SERPING1: variants seen among roughly 807,000 people sequenced by gnomAD.
The protein encoded by SERPING1 is plasma protease C1 inhibitor.
SERPING1 carries 5 observed loss-of-function variants against 34.1 expected under a neutral mutation model. The observed-to-expected ratio is 0.15, with a 90% CI of 0.08 to 0.31. The LOEUF (loss-of-function observed/expected upper bound fraction) is 0.31. Among genes scored for constraint, SERPING1 ranks in the 10% least tolerant of loss-of-function variants. The pLI, the probability that SERPING1 is intolerant of heterozygous loss-of-function variation, is 1.00. For missense variants in SERPING1, 505 were observed against 609.5 expected (o/e 0.83, Z 1.81); for synonymous variants, 225 against 242.4 (o/e 0.93, Z 0.67).
In SERPING1 at chr11:57,600,340, A is replaced by G; in HGVS notation, c.513A>G (p.Pro171=). Residue 171 remains proline, a synonymous_variant, in exon 3 of 8, where the codon CCA becomes CCG. Coordinates refer to ENST00000278407, the MANE Select transcript of SERPING1 (RefSeq NM_000062.3). ...TGGAGACCAACATGGCCTTTTCCCC[A>G]TTCAGCATCGCCAGCCTCCTTACCC... is the stretch of plus-strand genomic sequence containing the variant. ...KKVETNMAFS[P]FSIASLLTQV... 6.2e-7 allele frequency: 1 copy of G among 1,612,756 alleles called. No homozygotes were observed. Among genetic ancestry groups the G allele is most frequent in the African/African-American group, 1.3e-5 (1 of 74,954 alleles).
At chr11:57,597,842 G>A (rs1249344401) in intron 1 of SERPING1, 120 bp downstream of exon 1, 1 of 175,382 alleles carries the variant, frequency 5.7e-6, no homozygotes, top group Non-Finnish European at 1.2e-5. Flanking sequence ...GGTCTCTATA[G>A]GCTTGCTTCC....
intron 6 of SERPING1, 49 bp from the exon 7 acceptor site, chr11:57,611,668 G>A (rs757873307): frequency 1.3e-6 from 2 of 1,537,358 alleles, no homozygotes; most frequent in African/African-American, 1.4e-5. Context: ...GTGGGGCCAG[G>A]AGAGAGATGC....
Position 57,600,025 on chromosome 11 carries a change from G to A in SERPING1, c.198G>A (p.Pro66=), listed in dbSNP as rs774845024. 6.4e-5 allele frequency: 103 copies of A among 1,613,998 alleles called. No homozygotes were observed. Among genetic ancestry groups the A allele is most frequent in the South Asian group, 4.5e-4 (41 of 91,066 alleles). ...CCATCCTGGAGGTTTCCAGCTTGCCGACAACCAACTCAACAACCAATTCAG... is the reference window on the plus strand; with the variant it reads ...CCATCCTGGAGGTTTCCAGCTTGCCAACAACCAACTCAACAACCAATTCAG... The part of the protein sequence containing the change: ...VEPILEVSSL[P]TTNSTTNSAT... The change falls in exon 3 of 8, where the codon CCG becomes CCA. Residue 66 remains proline, a synonymous_variant. Transcript: ENST00000278407.
intron 2 of SERPING1, among the ~76,000 whole-genome samples, chr11:57,598,932 CGT>C (rs3054018): frequency 4.0e-5 from 6 of 150,806 alleles, no homozygotes; most frequent in East Asian, 2.0e-4. Flanking sequence ...TGTGTATGTG[CGT>C]GTGTGTGTGT....
Position 57,602,458 on chromosome 11 carries a change from T to G in SERPING1, c.685+289T>G, listed in dbSNP as rs546134546. Among the ~76,000 whole-genome samples the G allele has an allele frequency of 2.0e-5, 3 of 152,214 alleles. No homozygotes were observed. The East Asian group carries it at 5.8e-4, about 29-fold the overall frequency. ...GATGATGCTATCTACCTCAAAAGAT[T>G]AAGAAGCAGAAAGCCAGGCTGGGCG... is the stretch of plus-strand genomic sequence containing the variant. On this transcript the variant is annotated intron_variant, in intron 4 of 7. Transcript: ENST00000278407.
chr11:57,612,267 C>A (rs941324164), intron 7 of SERPING1, among the ~76,000 whole-genome samples: 3 of 152,102 alleles, frequency 2.0e-5, no homozygotes, highest in Admixed American at 6.6e-5. Context: ...GACAGGTAAC[C>A]GAGGTGAATT....
At chr11:57,602,230 G>A in intron 4 of SERPING1, 61 bp downstream of exon 4, 3 of 1,591,568 alleles carry the variant, frequency 1.9e-6, no homozygotes, top group Non-Finnish European at 2.6e-6. Flanking sequence ...TCTGAAGGGG[G>A]ACCCAGCGCT....
At chr11:57,611,554 C>A (rs922881580) in intron 6 of SERPING1, 163 bp from the exon 7 acceptor site, 7 of 725,232 alleles carry the variant, frequency 9.7e-6, no homozygotes, top group African/African-American at 1.7e-5. Flanking sequence ...GTTCACCCAG[C>A]TGGTATCCCC....
chr11:57,598,197 GC>G (rs1945309003), intron 1 of SERPING1, 51 bp from the exon 2 acceptor site: 1 of 1,443,610 alleles, frequency 6.9e-7, no homozygotes, highest in Non-Finnish European at 9.4e-7. Flanking sequence ...CGGGGTGGGG[GC>G]CCCTGGGCTC....
intron 6 of SERPING1, 95 bp downstream of exon 6, chr11:57,606,642 A>G: frequency 7.9e-7 from 1 of 1,268,128 alleles, no homozygotes; most frequent in Non-Finnish European, 1.1e-6. Context: ...GTACATGCTT[A>G]CAAATTCATC....
intron 6 of SERPING1, among the ~76,000 whole-genome samples, chr11:57,608,564 G>A (rs1945438780): frequency 6.6e-6 from 1 of 152,180 alleles, no homozygotes; most frequent in African/African-American, 2.4e-5. Context: ...CCAGGCCGGA[G>A]TGCAGTGGCA....
chr11:57,601,855 CAAAAA>C (rs5792050), intron 3 of SERPING1, among the ~76,000 whole-genome samples, 175 bp from the exon 4 acceptor site: 13 of 57,788 alleles, frequency 2.2e-4, no homozygotes, highest in African/African-American at 6.8e-4. Flanking sequence ...GACTCTGTCT[CAAAAA>C]AAAAAAAAAA....
intron 3 of SERPING1, among the ~76,000 whole-genome samples, chr11:57,600,986 G>A (rs1039741782): frequency 2.0e-5 from 3 of 151,638 alleles, no homozygotes; most frequent in Admixed American, 2.0e-4. Context: ...TAGACCTAGA[G>A]TAGATGTGGT....
At chr11:57,606,237 G>A (rs1433695818) in intron 5 of SERPING1, 24 bp downstream of exon 5, 1 of 1,613,682 alleles carries the variant, frequency 6.2e-7, no homozygotes, top group East Asian at 2.2e-5. Context: ...TAGCCAGTTA[G>A]TCTTCCCATT....
chr11:57,609,354 G>A (rs1945453068), intron 6 of SERPING1, among the ~76,000 whole-genome samples: 1 of 152,172 alleles, frequency 6.6e-6, no homozygotes, highest in Admixed American at 6.5e-5. Flanking sequence ...CGAGGCAGGT[G>A]AATCACCTGA....
At chr11:57,601,125 A>G (rs2432809) in intron 3 of SERPING1, among the ~76,000 whole-genome samples, 152,205 of 152,208 alleles carry the variant, frequency 1, 76,101 homozygotes, top group Middle Eastern at 1. Flanking sequence ...GCCAGGCCGG[A>G]TGCGGTGGTT....
At chr11:57,605,816 C>A in intron 4 of SERPING1, 194 bp from the exon 5 acceptor site, 1 of 655,270 alleles carries the variant, frequency 1.5e-6, no homozygotes. Context: ...TTCTCTTGTT[C>A]TTGGTTCTGG....
At chr11:57,610,825 A>G (rs772203345) in intron 6 of SERPING1, among the ~76,000 whole-genome samples, 2 of 152,168 alleles carry the variant, frequency 1.3e-5, no homozygotes, top group African/African-American at 2.4e-5. Flanking sequence ...GACATTACCA[A>G]ATGTCCACTG....
At position 57,614,552 on chromosome 11, in the gene SERPING1, A is replaced by G. The variant is rs754081837; in HGVS notation, c.1474A>G (p.Met492Val). ...CCAGCAGCACAAGTTCCCTGTCTTC[A>G]TGGGGCGAGTATATGACCCCAGGGC... ...WDQQHKFPVFMGRVYDPRA is the reference protein window; with the variant it reads ...WDQQHKFPVFVGRVYDPRA The change falls in exon 8 of 8, where the codon ATG becomes GTG. Residue 492 changes from methionine to valine, a missense_variant. Transcript: ENST00000278407. 4.3e-6 allele frequency: 7 copies of G among 1,613,896 alleles called. No individual in the cohort carries two copies. The Admixed American group carries it at 1.2e-4, about 27-fold the overall frequency.
Sources: allele counts gnomAD v4.1 joint callset (sites outside exome capture counted in the v4.1 genomes callset), GRCh38; gene constraint gnomAD v4.1.1; transcripts MANE v1.5; gene names NCBI Gene and HGNC (gene_info 2026-07-23, HGNC 2026-07-21).